The following NLGN3 variants were observed in gnomAD, a reference collection of about 807,000 sequenced individuals.
NLGN3 encodes neuroligin-3.
In NLGN3, 11 loss-of-function variants were observed where a neutral mutation model predicts 42.9. The observed-to-expected ratio is 0.26, with a 90% confidence interval of 0.16 to 0.42. NLGN3 has a LOEUF of 0.42. Ranked by LOEUF, NLGN3 falls within the 10% of genes least tolerant of loss-of-function variation. NLGN3 has a pLI of 1.00. For synonymous variants in NLGN3, 279 were observed against 312.7 expected (o/e 0.89, Z 1.14); for missense variants, 374 against 733.8 (o/e 0.51, Z 5.67).
downstream of NLGN3, among the ~76,000 whole-genome samples, chrX:71,175,062 C>CA (rs2092475841): frequency 8.9e-6 from 1 of 111,746 alleles, no homozygotes; most frequent in East Asian, 2.8e-4. Flanking sequence ...CACCAGACTT[C>CA]AAGGGAGATG....
Position 71,155,402 on chromosome X carries a change from T to A in NLGN3, c.727+39T>A, listed in dbSNP as rs199513575. On this transcript the variant is annotated intron_variant, in intron 5 of 7. Coordinates refer to ENST00000358741, the MANE Select transcript of NLGN3 (RefSeq NM_181303.2). ...CCTGGTGCCTGGAAGGAAGACTGGC[T>A]TCGCAAGGGGGGAGGAAAGAATGCT... 145 of 1,197,272 alleles carry A rather than the reference T, an allele frequency of 1.2e-4. No homozygotes were observed. The African/African-American group carries it at 2.4e-3, about 20-fold the overall frequency.
chrX:71,161,971 T>C (rs1237664642), intron 5 of NLGN3, among the ~76,000 whole-genome samples: 3 of 111,702 alleles, frequency 2.7e-5, no homozygotes, highest in Non-Finnish European at 5.6e-5. Flanking sequence ...AGACCACTAT[T>C]GCCTAAATGA....
chrX:71,155,169 C>T (rs1353589463), intron 4 of NLGN3, 45 bp from the exon 5 acceptor site: 1 of 1,206,251 alleles, frequency 8.3e-7, no homozygotes, highest in Non-Finnish European at 1.1e-6. Context: ...GGTGGGGGAG[C>T]AAGGGCATCC....
At chrX:71,145,122 C>T in intron 1 of NLGN3, among the ~76,000 whole-genome samples, 158 bp downstream of exon 1, 1 of 106,444 alleles carries the variant, frequency 9.4e-6, no homozygotes, top group Non-Finnish European at 2.0e-5. Context: ...CGATCCTCCC[C>T]CGCTTCTGTT....
At chrX:71,174,239 A>G (rs765796928), downstream of NLGN3, among the ~76,000 whole-genome samples, 2 of 111,965 alleles carry the variant, frequency 1.8e-5, no homozygotes, top group Non-Finnish European at 3.8e-5. Context: ...AGAGAGCCGT[A>G]AGCTGCCTTG....
Position 71,164,163 on chromosome X carries a change from C to G in NLGN3, c.748C>G (p.Gln250Glu). Residue 250 changes from glutamine to glutamate, a missense_variant, in exon 6 of 8, where the codon CAG (glutamine) becomes GAG (glutamate). Gln to Glu is a conservative substitution (Grantham distance 29). Transcript: ENST00000358741. ...TCCAGGTTTCCTGAGTACTGGAGAT[C>G]AGGCTGCCAAGGGCAACTATGGGCT... ...GVLGFLSTGD[Q>E]AAKGNYGLLD... 8.2e-7 allele frequency: 1 copy of G among 1,212,438 alleles called. No individual in the cohort carries two copies.
At chrX:71,168,821 AAAAG>A (rs201934142) in intron 7 of NLGN3, among the ~76,000 whole-genome samples, 11,415 of 69,223 alleles carry the variant, frequency 0.16, 904 homozygotes, top group East Asian at 0.28. Context: ...AGAGAAAAAA[AAAAG>A]AAAGAAAGAA....
At chrX:71,148,327 A>C in intron 2 of NLGN3, 121 bp downstream of exon 2, 1 of 575,476 alleles carries the variant, frequency 1.7e-6, no homozygotes, top group Non-Finnish European at 3.0e-6. Context: ...AATGCTTCTA[A>C]CCATCACTCT....
chrX:71,167,845 G>GC, intron 7 of NLGN3, 45 bp downstream of exon 7: 1 of 1,076,287 alleles, frequency 9.3e-7, no homozygotes, highest in Non-Finnish European at 1.3e-6. Flanking sequence ...ACCCCAGCAT[G>GC]CCCTCCCCTC....
chrX:71,152,630 A>G (rs1259293201), intron 3 of NLGN3, among the ~76,000 whole-genome samples: 1 of 112,214 alleles, frequency 8.9e-6, no homozygotes, highest in Non-Finnish European at 1.9e-5. Flanking sequence ...ATATGGCAGA[A>G]GCAGAGTGTC....
At chrX:71,172,222 C>A (rs1242979870), downstream of NLGN3, among the ~76,000 whole-genome samples, 2 of 111,477 alleles carry the variant, frequency 1.8e-5, no homozygotes, top group Admixed American at 9.6e-5. Flanking sequence ...CCTTTCCTCA[C>A]ACCCTTCTTT....
intron 5 of NLGN3, among the ~76,000 whole-genome samples, chrX:71,161,046 T>C (rs2092428005): frequency 8.9e-6 from 1 of 111,777 alleles, no homozygotes; most frequent in African/African-American, 3.2e-5. Flanking sequence ...GTGCTTGTGG[T>C]TGGTCAGGTT....
chrX:71,153,083 C>T (rs1242022701), intron 3 of NLGN3, among the ~76,000 whole-genome samples: 1 of 112,361 alleles, frequency 8.9e-6, no homozygotes, highest in Non-Finnish European at 1.9e-5. Context: ...CCCTGCTCTC[C>T]AGCTCGACCT....
rs758310102 is a variant in NLGN3, at chrX:71,169,305, C to T, written c.1755C>T (p.Ala585=). 6 of 1,208,735 alleles carry T rather than the reference C, an allele frequency of 5.0e-6. No individual in the cohort carries two copies. In the African/African-American group the frequency reaches 7.0e-5, roughly 14 times the overall value. ...ACACCAAGTTCATTCACACCAAGGCCAACCGCTTTGAGGAAGTGGCCTGGT... is the reference window on the plus strand; with the variant it reads ...ACACCAAGTTCATTCACACCAAGGCTAACCGCTTTGAGGAAGTGGCCTGGT... The part of the protein sequence containing the change: ...PQDTKFIHTK[A]NRFEEVAWSK... Residue 585 remains alanine, a synonymous_variant, in exon 8 of 8, where the codon GCC becomes GCT. Transcript: ENST00000358741.
At chrX:71,160,157 G>T (rs1317175135) in intron 5 of NLGN3, among the ~76,000 whole-genome samples, 1 of 107,049 alleles carries the variant, frequency 9.3e-6, no homozygotes, top group Non-Finnish European at 1.9e-5. Context: ...CAGCTTTCCT[G>T]AGCACTGAAC....
chrX:71,146,172 G>GAC (rs1168453634), intron 1 of NLGN3, among the ~76,000 whole-genome samples: 4,615 of 37,912 alleles, frequency 0.12, 357 homozygotes, highest in Non-Finnish European at 0.17. Context: ...CACACACACA[G>GAC]ACACACACAC....
Position 71,167,179 on chromosome X carries a change from T to C in NLGN3, c.1082T>C (p.Val361Ala), listed in dbSNP as rs749067360. The change falls in exon 7 of 8, where the codon GTA (valine) becomes GCA (alanine). Residue 361 changes from valine to alanine, a missense_variant. By Grantham distance (64) the Val-to-Ala change is moderately conservative. Around this residue, in one of 6 missense-constraint regions of NLGN3, gnomAD observed 142 missense variants for 359.1 expected, o/e 0.40. Coordinates refer to ENST00000358741, the MANE Select transcript of NLGN3 (RefSeq NM_181303.2). The part of the protein sequence containing the change: ...CLRQKSAKEL[V>A]EQDIQPARYH... ...CGGCAAAAGAGTGCCAAGGAGCTGG[T>C]AGAGCAGGACATCCAGCCAGCCCGC... 28 of 1,211,883 alleles carry C rather than the reference T, an allele frequency of 2.3e-5. No homozygotes were observed. The South Asian group carries it at 4.9e-4, about 21-fold the overall frequency.
chrX:71,146,847 G>A (rs924839154), intron 1 of NLGN3, among the ~76,000 whole-genome samples: 3 of 111,693 alleles, frequency 2.7e-5, no homozygotes, highest in Non-Finnish European at 3.8e-5. Flanking sequence ...TGCCTAGGGT[G>A]CTAGGCAGAA....
intron 5 of NLGN3, among the ~76,000 whole-genome samples, chrX:71,163,069 G>C (rs1447385449): frequency 9.0e-6 from 1 of 111,108 alleles, no homozygotes; most frequent in African/African-American, 3.3e-5. Flanking sequence ...AGCAGAGTAG[G>C]GGGGAATATA....
Sources: allele counts gnomAD v4.1 joint callset (sites outside exome capture counted in the v4.1 genomes callset), GRCh38; gene constraint gnomAD v4.1.1; regional missense constraint gnomAD v4.1.1; transcripts MANE v1.5; gene names NCBI Gene and HGNC (gene_info 2026-07-23, HGNC 2026-07-21).